CDKL1: variants seen among roughly 807,000 people sequenced by gnomAD.
The protein encoded by CDKL1 is cyclin dependent kinase like 1.
In CDKL1, 41 loss-of-function variants were observed where a neutral mutation model predicts 42.0. That is an observed-to-expected ratio of 0.98 (90% CI 0.76 to 1.27). CDKL1 has a LOEUF of 1.27. Ranked by LOEUF, CDKL1 falls within the 50% of genes most tolerant of loss-of-function variation. The pLI is 0.00. For missense variants in CDKL1, 394 were observed against 428.4 expected, an observed-to-expected ratio of 0.92 and a Z score of 0.71; for synonymous variants, 153 against 158.6, an observed-to-expected ratio of 0.96 and a Z score of 0.26.
intron 2 of CDKL1, among the ~76,000 whole-genome samples, chr14:50,381,178 T>C (rs2034896644): frequency 6.6e-6 from 1 of 152,196 alleles, no homozygotes; most frequent in Non-Finnish European, 1.5e-5. Context: ...AAAGCTGCCC[T>C]ACTATTCAGG....
intron 9 of CDKL1, chr14:50,331,761 T>A: frequency 2.2e-6 from 1 of 446,986 alleles, no homozygotes; most frequent in East Asian, 3.7e-5. Flanking sequence ...GCAGTTTGGA[T>A]GCTGTTCTCT....
chr14:50,378,297 G>C, intron 2 of CDKL1: 18 of 1,366,578 alleles, frequency 1.3e-5, no homozygotes, highest in Non-Finnish European at 1.8e-5. Flanking sequence ...GGATGAGGTT[G>C]TTGCAGTGCC....
chr14:50,379,672 ATG>A (rs1430912437), intron 2 of CDKL1, among the ~76,000 whole-genome samples: 2 of 152,182 alleles, frequency 1.3e-5, no homozygotes, highest in Non-Finnish European at 1.5e-5. Flanking sequence ...CAGCTGGCTC[ATG>A]TGTCACCCGA....
chr14:50,330,029 A>C lies in CDKL1; in HGVS notation c.*45T>G. ...AACTGTATAAGTTTTATTTTCTTCA[A>C]AGCATCTATTGATTCCTTTTTTAAA... is the stretch of plus-strand genomic sequence containing the variant. On this transcript the variant is annotated 3_prime_UTR_variant, in exon 10 of 10. Coordinates refer to ENST00000395834, the MANE Select transcript of CDKL1 (RefSeq NM_004196.7). The C allele has an allele frequency of 1.3e-6, 2 of 1,588,202 alleles. No homozygotes were observed. Among genetic ancestry groups the C allele is most frequent in the Non-Finnish European group, 1.7e-6 (2 of 1,171,640 alleles).
chr14:50,326,631 A>G lies in CDKL1; in HGVS notation c.*3443T>C, dbSNP rs2032715485. 1 of 985,464 alleles carries G rather than the reference A, an allele frequency of 1.0e-6. No homozygotes were observed. Among genetic ancestry groups the G allele is most frequent in the Non-Finnish European group, 1.2e-6 (1 of 829,924 alleles). 61.0% of individuals were successfully genotyped at this position (985,464 alleles called of 1,614,324 possible). On this transcript the variant is annotated 3_prime_UTR_variant, in exon 10 of 10. Transcript: ENST00000395834. ...GTCTATTTTGTAAGCTTAGGCTACT[A>G]TTTTATTAAAACTGGACATAGATAC...
At chr14:50,365,707 G>A (rs1386778797) in intron 2 of CDKL1, among the ~76,000 whole-genome samples, 2 of 152,194 alleles carry the variant, frequency 1.3e-5, no homozygotes, top group East Asian at 3.9e-4. Context: ...GGCTGTGTCT[G>A]TGAGGGTGTT....
At chr14:50,385,576 C>T (rs531625493) in intron 2 of CDKL1, among the ~76,000 whole-genome samples, 81 of 152,076 alleles carry the variant, frequency 5.3e-4, no homozygotes, top group Middle Eastern at 3.4e-3. Context: ...GAGGCCAAGG[C>T]GGGTGGATCA....
chr14:50,342,655 GA>G, intron 4 of CDKL1: 1 of 233,756 alleles, frequency 4.3e-6, no homozygotes, highest in Non-Finnish European at 7.9e-6. Flanking sequence ...AGGTGAAAGG[GA>G]AAATGTTGAA....
intron 1 of CDKL1, 53 bp from the exon 2 acceptor site, chr14:50,396,382 T>C (rs1327986278): frequency 5.1e-6 from 5 of 985,502 alleles, no homozygotes; most frequent in Non-Finnish European, 6.0e-6. Flanking sequence ...GTGTCGGCAA[T>C]GGCAACGCGA....
chr14:50,326,413 C>T lies in CDKL1; in HGVS notation c.*3661G>A. On this transcript the variant is annotated 3_prime_UTR_variant, in exon 10 of 10. Transcript: ENST00000395834. ...CTTTAAAGTTAGTGAAGCATACTAC[C>T]ATAAATGCACAATTATGAAAAATTA... 1 of 968,148 alleles carries T rather than the reference C, an allele frequency of 1.0e-6. No homozygotes were observed. Among genetic ancestry groups the T allele is most frequent in the Non-Finnish European group, 1.2e-6 (1 of 814,352 alleles). 60.0% of individuals were successfully genotyped at this position (968,148 alleles called of 1,614,324 possible).
chr14:50,359,221 A>G, intron 2 of CDKL1, 72 bp from the exon 3 acceptor site: 1 of 1,520,278 alleles, frequency 6.6e-7, no homozygotes, highest in Non-Finnish European at 8.9e-7. Context: ...TGATCCAATA[A>G]AAAGTAAGTT....
chr14:50,336,640 A>C (rs2356243), intron 7 of CDKL1, among the ~76,000 whole-genome samples: 83,509 of 151,966 alleles, frequency 0.55, 23,093 homozygotes, highest in East Asian at 0.62. Flanking sequence ...GTTTAGTGAG[A>C]AACTGGAGGG....
intron 2 of CDKL1, among the ~76,000 whole-genome samples, chr14:50,370,241 G>A (rs535767968): frequency 6.6e-6 from 1 of 151,884 alleles, no homozygotes; most frequent in African/African-American, 2.4e-5. Context: ...GCTAGTTTTT[G>A]TATTTTTAGT....
chr14:50,355,837 A>G (rs2139439593), intron 3 of CDKL1, among the ~76,000 whole-genome samples: 1 of 152,346 alleles, frequency 6.6e-6, no homozygotes, highest in East Asian at 1.9e-4. Context: ...TTGCTGAGCA[A>G]ACAGCATGTC....
At position 50,381,251 on chromosome 14, in the gene CDKL1, T is replaced by G. The variant is rs556257611; in HGVS notation, c.168+14450A>C. On this transcript the variant is annotated intron_variant, in intron 2 of 9. Coordinates refer to ENST00000395834, the MANE Select transcript of CDKL1 (RefSeq NM_004196.7). ...CAGTTCCTGGCATGTCATTGGGACT[T>G]GGTAGAGTGAGCACATGAATGTAGG... Among the ~76,000 whole-genome samples, 6 of 152,318 alleles carry G rather than the reference T, an allele frequency of 3.9e-5. No homozygotes were observed. In the East Asian group the frequency reaches 9.6e-4, roughly 24 times the overall value.
At chr14:50,370,216 C>T (rs569928256) in intron 2 of CDKL1, among the ~76,000 whole-genome samples, 1 of 151,540 alleles carries the variant, frequency 6.6e-6, no homozygotes, top group South Asian at 2.1e-4. Context: ...TTACAGGTGC[C>T]TGCCACCATG....
At chr14:50,332,054 A>G in intron 9 of CDKL1, 1 of 1,543,396 alleles carries the variant, frequency 6.5e-7, no homozygotes, top group Non-Finnish European at 8.7e-7. Flanking sequence ...TGGCATCAGG[A>G]AGCAGCAGGA....
chr14:50,334,049 T>C (rs1281047233), intron 8 of CDKL1: 1 of 152,140 alleles, frequency 6.6e-6, no homozygotes, highest in African/African-American at 2.4e-5. Context: ...TGTGTAAATT[T>C]AGACTTCAAA....
intron 2 of CDKL1, among the ~76,000 whole-genome samples, chr14:50,376,696 C>T (rs1263367468): frequency 1.3e-5 from 2 of 152,088 alleles, no homozygotes; most frequent in African/African-American, 4.8e-5. Flanking sequence ...TAAAATCCTT[C>T]CATTTTCATA....
Sources: gnomAD v4.1 joint callset for allele counts (sites outside exome capture counted in the v4.1 genomes callset) on GRCh38, gnomAD v4.1.1 for gene constraint, MANE v1.5 for transcripts, NCBI Gene and HGNC (gene_info 2026-07-23, HGNC 2026-07-21) for gene names.